The following HNRNPM variants were observed in gnomAD, a reference collection of about 807,000 sequenced individuals.
The protein encoded by HNRNPM is CEA receptor.
A neutral mutation model predicts 73.1 loss-of-function variants in HNRNPM; 11 were observed. The ratio of observed to expected loss-of-function variants is 0.15; its 90% CI spans 0.09 to 0.25. HNRNPM has a LOEUF of 0.25. Ranked by LOEUF, HNRNPM falls within the 10% of genes least tolerant of loss-of-function variation. The pLI, the probability that HNRNPM is intolerant of heterozygous loss-of-function variation, is 1.00. For missense variants in HNRNPM, 789 were observed against 1,067.9 expected (o/e 0.74, Z 3.64); for synonymous variants, 407 against 355.2 (o/e 1.15, Z -1.64).
At chr19:8,460,987 G>A (rs538268496) in intron 2 of HNRNPM, among the ~76,000 whole-genome samples, 1 of 152,308 alleles carries the variant, frequency 6.6e-6, no homozygotes, top group African/African-American at 2.4e-5. Context: ...AAATAAAGCC[G>A]CTTTGTACAA....
intron 1 of HNRNPM, among the ~76,000 whole-genome samples, chr19:8,451,452 A>AT (rs1968616553): frequency 6.6e-6 from 1 of 151,752 alleles, no homozygotes; most frequent in East Asian, 1.9e-4. Context: ...AGAAAATAGG[A>AT]TTGGACATGT....
At chr19:8,461,584 T>C (rs1969401827) in intron 2 of HNRNPM, among the ~76,000 whole-genome samples, 1 of 152,230 alleles carries the variant, frequency 6.6e-6, no homozygotes, top group South Asian at 2.1e-4. Context: ...ATGGTGGTCA[T>C]GAATTGGCAA....
chr19:8,476,273 G>C (rs1292548451), intron 12 of HNRNPM, among the ~76,000 whole-genome samples: 1 of 152,138 alleles, frequency 6.6e-6, no homozygotes, highest in African/African-American at 2.4e-5. Context: ...TCTTTGGTTT[G>C]GGTGGGATGA....
At chr19:8,466,519 T>C (rs1969754568) in intron 7 of HNRNPM, 131 bp downstream of exon 7, 2 of 963,358 alleles carry the variant, frequency 2.1e-6, no homozygotes, top group Admixed American at 4.2e-5. Context: ...AGTGCATTAC[T>C]GTGGAATTAA....
intron 7 of HNRNPM, 114 bp from the exon 8 acceptor site, chr19:8,467,421 C>T (rs1969831161): frequency 5.6e-6 from 4 of 715,626 alleles, no homozygotes; most frequent in Non-Finnish European, 1.0e-5. Context: ...TGAAATTGCT[C>T]ATAAATTCAT....
At position 8,483,160 on chromosome 19, in the gene HNRNPM, A is replaced by C; in HGVS notation, c.1123A>C (p.Ile375Leu). The C allele has an allele frequency of 3.1e-6, 5 of 1,608,730 alleles. No individual in the cohort carries two copies. The highest frequency in any genetic ancestry group is 4.2e-6 in the Non-Finnish European group (5 of 1,176,612). The change falls in exon 13 of 16, where the codon ATC becomes CTC. Residue 375 changes from isoleucine (I) to leucine (L), a missense_variant and splice_region_variant. Coordinates refer to ENST00000325495, the MANE Select transcript of HNRNPM (RefSeq NM_005968.5). Reference sequence around the variant, plus strand: ...TTTTTTCTTCCTGATTTCCTTAGAAATCCTAAGTAATGCACTGAAGAGAGG... The same window carrying C: ...TTTTTTCTTCCTGATTTCCTTAGAACTCCTAAGTAATGCACTGAAGAGAGG... ...SGMNMGRINE[I>L]LSNALKRGEI...
At chr19:8,452,349 C>G (rs1364072468) in intron 1 of HNRNPM, among the ~76,000 whole-genome samples, 4 of 152,166 alleles carry the variant, frequency 2.6e-5, no homozygotes, top group Non-Finnish European at 5.9e-5. Context: ...TATTAAAATT[C>G]ATTTCCATCT....
chr19:8,487,288 TTTTTTC>T (rs1017311469), intron 15 of HNRNPM: 1 of 561,260 alleles, frequency 1.8e-6, no homozygotes, highest in African/African-American at 1.9e-5. Flanking sequence ...CCTTACTTCC[TTTTTTC>T]TTTTTGAGTC....
intron 12 of HNRNPM, among the ~76,000 whole-genome samples, chr19:8,475,905 CTTTTTTTTTTTT>C (rs71175865): frequency 1.7e-5 from 2 of 114,408 alleles, no homozygotes; most frequent in African/African-American, 3.3e-5. Context: ...CCATCTCTCT[CTTTTTTTTTTTT>C]TTTTTTTTTT....
chr19:8,465,830 A>G (rs1390887993), intron 6 of HNRNPM, among the ~76,000 whole-genome samples: 1 of 152,150 alleles, frequency 6.6e-6, no homozygotes, highest in Non-Finnish European at 1.5e-5. Context: ...GCAGAAGTGC[A>G]CTGACACCTT....
In HNRNPM at chr19:8,489,044, A is replaced by AT. The variant is rs569814251; in HGVS notation, c.*198dup. The AT allele has an allele frequency of 4.0e-4, 216 of 535,660 alleles. No homozygotes were observed. Among genetic ancestry groups the AT allele is most frequent in the Non-Finnish European group, 6.1e-4 (185 of 304,378 alleles). The allele number at this position is 535,660 out of a possible 1,614,324, so 33.2% of individuals were successfully genotyped here. On this transcript the variant is annotated 3_prime_UTR_variant, in exon 16 of 16. Coordinates refer to ENST00000325495, the MANE Select transcript of HNRNPM (RefSeq NM_005968.5). ...TTGCATTGAGATTGCAATGTGCGCA[A>AT]TTTTTTTTGTAGTTGTGGCATCTTG...
chr19:8,479,060 C>T (rs1970709289), intron 12 of HNRNPM, among the ~76,000 whole-genome samples: 1 of 143,354 alleles, frequency 7.0e-6, no homozygotes, highest in African/African-American at 2.6e-5. Flanking sequence ...GCAATTTCCT[C>T]CTCTTTTTTC....
intron 2 of HNRNPM, among the ~76,000 whole-genome samples, chr19:8,460,442 G>A (rs1310750703): frequency 6.6e-6 from 1 of 152,188 alleles, no homozygotes; most frequent in Non-Finnish European, 1.5e-5. Flanking sequence ...ACCCCCGGGT[G>A]ACTGCTAAAT....
chr19:8,452,393 C>T (rs1407347590), intron 1 of HNRNPM, among the ~76,000 whole-genome samples: 2 of 148,862 alleles, frequency 1.3e-5, no homozygotes, highest in East Asian at 2.0e-4. Context: ...TGTGTAGATT[C>T]TGTTATGTTT....
At chr19:8,479,815 C>T (rs1157645518) in intron 12 of HNRNPM, among the ~76,000 whole-genome samples, 6 of 137,912 alleles carry the variant, frequency 4.4e-5, no homozygotes, top group Non-Finnish European at 3.1e-5. Context: ...CGCTCTATTG[C>T]CCAGGCTGGA....
chr19:8,485,483 G>A, intron 13 of HNRNPM, 120 bp from the exon 14 acceptor site: 5 of 1,011,714 alleles, frequency 4.9e-6, no homozygotes, highest in Non-Finnish European at 7.3e-6. Flanking sequence ...GTGTCTTAAT[G>A]GTAAATTATG....
intron 10 of HNRNPM, 91 bp from the exon 11 acceptor site, chr19:8,473,573 C>G (rs1297134390): frequency 3.8e-6 from 3 of 781,772 alleles, no homozygotes; most frequent in South Asian, 1.6e-5. Context: ...CTTTTGAGTT[C>G]TTTTGCTGGT....
At chr19:8,456,083 A>G (rs1293921839) in intron 2 of HNRNPM, among the ~76,000 whole-genome samples, 1 of 151,600 alleles carries the variant, frequency 6.6e-6, no homozygotes, top group African/African-American at 2.4e-5. Flanking sequence ...ATTAGCTTGT[A>G]TTTTAACTTT....
At chr19:8,485,009 G>A (rs1053597540) in intron 13 of HNRNPM, among the ~76,000 whole-genome samples, 3 of 151,892 alleles carry the variant, frequency 2.0e-5, no homozygotes, top group African/African-American at 7.3e-5. Flanking sequence ...GTGTGCATTT[G>A]TACACAGAGG....
Sources: gnomAD v4.1 joint callset for allele counts (sites outside exome capture counted in the v4.1 genomes callset) on GRCh38, gnomAD v4.1.1 for gene constraint, MANE v1.5 for transcripts, NCBI Gene and HGNC (gene_info 2026-07-23, HGNC 2026-07-21) for gene names.